Variants in TRPM3 observed in about 807,000 individuals in gnomAD.
The protein encoded by TRPM3 is transient receptor potential cation channel subfamily M member 3.
In TRPM3, 77 loss-of-function variants were observed where a neutral mutation model predicts 181.2. The observed-to-expected ratio is 0.42, with a 90% confidence interval of 0.35 to 0.51. TRPM3 has a LOEUF of 0.51. TRPM3 is among the 20% of genes least tolerant of loss of function. The pLI is 0.01. For missense variants in TRPM3, 1,759 were observed against 2,196.7 expected, an observed-to-expected ratio of 0.80 and a Z score of 3.98; for synonymous variants, 745 against 796.4, an observed-to-expected ratio of 0.94 and a Z score of 1.09.
chr9:71,178,768 C>T (rs141380733), intron 1 of TRPM3, among the ~76,000 whole-genome samples: 1 of 152,022 alleles, frequency 6.6e-6, no homozygotes, highest in African/African-American at 2.4e-5. Context: ...TCTAACTAAA[C>T]GTGACGCACA....
At position 70,743,136 on chromosome 9, in the gene TRPM3, A is replaced by G. The variant is rs973061195; in HGVS notation, c.1272+18465T>C. On this transcript the variant is annotated intron_variant, in intron 8 of 25. Coordinates refer to ENST00000677713, the MANE Select transcript of TRPM3 (RefSeq NM_001366145.2). The stretch of plus-strand genomic sequence containing the variant: ...GATATTCACAGATTTTTCAAAAAGT[A>G]CATTTGGTTAGACTAGAGTACAAGT... Among the ~76,000 whole-genome samples the G allele has an allele frequency of 1.1e-4, 17 of 152,328 alleles. No individual in the cohort carries two copies. In the East Asian group the frequency reaches 3.3e-3, roughly 29 times the overall value.
chr9:71,063,047 T>C (rs191396138), intron 1 of TRPM3, among the ~76,000 whole-genome samples: 1 of 152,280 alleles, frequency 6.6e-6, no homozygotes, highest in African/African-American at 2.4e-5. Flanking sequence ...AGACAAGAAC[T>C]GACATGGAAG....
intron 1 of TRPM3, among the ~76,000 whole-genome samples, chr9:71,289,271 A>C (rs868463889): frequency 3.0e-4 from 45 of 152,302 alleles, no homozygotes; most frequent in African/African-American, 1.0e-3. Flanking sequence ...TAAAGATGAT[A>C]CTGAGAGTAT....
At chr9:71,411,380 A>T (rs1256688992) in intron 1 of TRPM3, among the ~76,000 whole-genome samples, 1 of 152,252 alleles carries the variant, frequency 6.6e-6, no homozygotes, top group African/African-American at 2.4e-5. Context: ...AAATCTCCTT[A>T]AGCTGATAAG....
intron 1 of TRPM3, among the ~76,000 whole-genome samples, chr9:71,360,647 A>G (rs1295134504): frequency 6.6e-6 from 1 of 152,226 alleles, no homozygotes; most frequent in Non-Finnish European, 1.5e-5. Context: ...AGGCAATATC[A>G]TATACCAGCT....
At chr9:71,196,167 ATGTGTGTG>A (rs71507026) in intron 1 of TRPM3, among the ~76,000 whole-genome samples, 10 of 149,446 alleles carry the variant, frequency 6.7e-5, no homozygotes, top group East Asian at 6.0e-4. Context: ...ACACACGTAT[ATGTGTGTG>A]TGTGTGTGTG....
intron 22 of TRPM3, among the ~76,000 whole-genome samples, chr9:70,577,341 G>A (rs910479477): frequency 3.3e-5 from 5 of 152,224 alleles, no homozygotes; most frequent in Admixed American, 6.5e-5. Flanking sequence ...AGTTAAGAGC[G>A]TGGGTCTAGA....
At chr9:71,243,026 A>C (rs2081808671) in intron 1 of TRPM3, among the ~76,000 whole-genome samples, 1 of 151,992 alleles carries the variant, frequency 6.6e-6, no homozygotes, top group South Asian at 2.1e-4. Flanking sequence ...AGAGCCAGAG[A>C]CTTTGCACCT....
intron 1 of TRPM3, among the ~76,000 whole-genome samples, chr9:70,932,801 T>C (rs1039090937): frequency 6.6e-6 from 1 of 152,158 alleles, no homozygotes; most frequent in Non-Finnish European, 1.5e-5. Context: ...TCTGAAGGGC[T>C]TTTTTTGTGG....
At chr9:70,965,543 T>A (rs1390275489) in intron 1 of TRPM3, among the ~76,000 whole-genome samples, 1 of 152,038 alleles carries the variant, frequency 6.6e-6, no homozygotes, top group South Asian at 2.1e-4. Context: ...AACCATGTGG[T>A]TTTTGTCTTT....
At chr9:71,232,064 T>A (rs2081085223) in intron 1 of TRPM3, among the ~76,000 whole-genome samples, 1 of 152,240 alleles carries the variant, frequency 6.6e-6, no homozygotes, top group Non-Finnish European at 1.5e-5. Flanking sequence ...AGATGCCTTC[T>A]AGTTATAAAC....
chr9:70,926,298 T>TA (rs1258161857), intron 1 of TRPM3, among the ~76,000 whole-genome samples: 1 of 152,132 alleles, frequency 6.6e-6, no homozygotes, highest in Non-Finnish European at 1.5e-5. Context: ...GCAATATTTT[T>TA]AAAATATTTC....
At chr9:70,827,815 G>A (rs375279808) in intron 6 of TRPM3, 32 bp downstream of exon 6, 34 of 1,605,370 alleles carry the variant, frequency 2.1e-5, no homozygotes, top group Admixed American at 8.4e-5. Context: ...TACCTCCTAC[G>A]AGCCATGCCA....
intron 22 of TRPM3, among the ~76,000 whole-genome samples, chr9:70,585,734 C>T (rs1156298786): frequency 6.6e-6 from 1 of 152,170 alleles, no homozygotes; most frequent in Non-Finnish European, 1.5e-5. Context: ...CTGTTTCCTC[C>T]ATTCCAGCTG....
intron 1 of TRPM3, among the ~76,000 whole-genome samples, chr9:71,197,018 G>A (rs546698974): frequency 1.6e-4 from 25 of 151,842 alleles, no homozygotes; most frequent in Admixed American, 9.2e-4. Flanking sequence ...TCTCTCCCCC[G>A]ACTTCCCACA....
intron 1 of TRPM3, among the ~76,000 whole-genome samples, chr9:71,086,194 C>G (rs2065229488): frequency 6.6e-6 from 1 of 151,722 alleles, no homozygotes; most frequent in Non-Finnish European, 1.5e-5. Context: ...GTGGGGACTA[C>G]TAGGTGTGGG....
intron 1 of TRPM3, among the ~76,000 whole-genome samples, chr9:71,255,702 T>C (rs1208972805): frequency 6.6e-6 from 1 of 152,234 alleles, no homozygotes; most frequent in East Asian, 1.9e-4. Context: ...CCATTAAATG[T>C]AAATTTATAG....
At chr9:70,560,826 T>C (rs1487289905) in intron 22 of TRPM3, among the ~76,000 whole-genome samples, 1 of 152,174 alleles carries the variant, frequency 6.6e-6, no homozygotes, top group Non-Finnish European at 1.5e-5. Flanking sequence ...AGAGAGAAAT[T>C]AGGTTCAAGT....
At chr9:71,245,264 G>A (rs899244978) in intron 1 of TRPM3, among the ~76,000 whole-genome samples, 16 of 152,048 alleles carry the variant, frequency 1.1e-4, no homozygotes, top group African/African-American at 3.1e-4. Context: ...CAAACATGGC[G>A]AAACCCCATC....
Sources: allele counts gnomAD v4.1 joint callset (sites outside exome capture counted in the v4.1 genomes callset), GRCh38; gene constraint gnomAD v4.1.1; transcripts MANE v1.5; gene names NCBI Gene and HGNC (gene_info 2026-07-23, HGNC 2026-07-21).